The following STARD8 variants were observed in gnomAD, a reference collection of about 807,000 sequenced individuals.
STARD8 encodes the protein stAR-related lipid transfer protein 8.
A neutral mutation model predicts 69.4 loss-of-function variants in STARD8; 25 were observed. The observed-to-expected ratio is 0.36, with a 90% CI of 0.26 to 0.50. The LOEUF is 0.50. Among genes scored for constraint, STARD8 ranks in the 20% least tolerant of loss-of-function variants. STARD8 has a pLI of 0.96. For missense variants in STARD8, 921 were observed against 932.5 expected (o/e 0.99, Z 0.16); for synonymous variants, 389 against 374.6 (o/e 1.04, Z -0.45).
At chrX:68,694,077 G>A (rs2079900186) in intron 2 of STARD8, among the ~76,000 whole-genome samples, 1 of 113,232 alleles carries the variant, frequency 8.8e-6, no homozygotes, top group Admixed American at 9.2e-5. Flanking sequence ...AGCCTCGCGA[G>A]TGGGGCGGTG....
chrX:68,680,584 A>G (rs1422056472), intron 2 of STARD8, among the ~76,000 whole-genome samples: 2 of 112,468 alleles, frequency 1.8e-5, no homozygotes, highest in East Asian at 2.8e-4. Flanking sequence ...GCCAGTTTGC[A>G]TGAATGGACA....
intron 2 of STARD8, among the ~76,000 whole-genome samples, chrX:68,678,269 A>G (rs1046383931): frequency 1.7e-4 from 19 of 111,436 alleles, no homozygotes; most frequent in Non-Finnish European, 3.4e-4. Flanking sequence ...AATAGAAGAA[A>G]TATGAGGGTT....
intron 2 of STARD8, among the ~76,000 whole-genome samples, chrX:68,705,160 G>A (rs2079996048): frequency 8.9e-6 from 1 of 112,591 alleles, no homozygotes; most frequent in African/African-American, 3.2e-5. Context: ...CCCCTTGGGG[G>A]CAAGAAAACT....
intron 7 of STARD8, 140 bp downstream of exon 7, chrX:68,719,538 G>A: frequency 2.9e-6 from 2 of 698,037 alleles, no homozygotes; most frequent in Non-Finnish European, 3.9e-6. Context: ...GGAGGCTGGA[G>A]GGGCTTGGTG....
intron 5 of STARD8, 25 bp from the exon 6 acceptor site, chrX:68,717,187 C>A (rs1221189840): frequency 8.6e-7 from 1 of 1,162,864 alleles, no homozygotes. Flanking sequence ...GCTTCTCTGA[C>A]CTGATCCTGC....
intron 1 of STARD8, among the ~76,000 whole-genome samples, chrX:68,651,968 C>A (rs2079550362): frequency 9.3e-6 from 1 of 107,713 alleles, no homozygotes; most frequent in African/African-American, 3.4e-5. Flanking sequence ...CTGCCTCAGC[C>A]TCCCGAGTAG....
intron 2 of STARD8, among the ~76,000 whole-genome samples, chrX:68,674,744 C>T (rs751259846): frequency 1.8e-5 from 2 of 110,509 alleles, no homozygotes; most frequent in Admixed American, 9.6e-5. Context: ...GTTTTCATCA[C>T]GTCTCTAAGC....
At chrX:68,665,230 C>G (rs1475661236) in intron 1 of STARD8, among the ~76,000 whole-genome samples, 1 of 112,040 alleles carries the variant, frequency 8.9e-6, no homozygotes, top group Non-Finnish European at 1.9e-5. Flanking sequence ...ATCCCCTGAC[C>G]TGGGGGCCTT....
At chrX:68,653,330 ACC>A (rs2079583156) in intron 1 of STARD8, among the ~76,000 whole-genome samples, 1 of 19,193 alleles carries the variant, frequency 5.2e-5, no homozygotes, top group Non-Finnish European at 9.6e-5. Context: ...ACACACACAC[ACC>A]CCACACACCA....
intron 2 of STARD8, among the ~76,000 whole-genome samples, chrX:68,672,034 G>A (rs1030705816): frequency 2.7e-5 from 3 of 112,008 alleles, no homozygotes; most frequent in Non-Finnish European, 3.8e-5. Flanking sequence ...ATCATAGCTC[G>A]AATCTGGTGT....
chrX:68,725,732 G>C lies in STARD8; in HGVS notation c.*1310G>C, dbSNP rs1337459341. 9.2e-6 allele frequency: 1 copy of C among 108,919 alleles called. No individual in the cohort carries two copies. Among genetic ancestry groups the C allele is most frequent in the African/African-American group, 3.4e-5 (1 of 29,760 alleles). The allele number at this position is 108,919 out of a possible 1,213,427, so 9.0% of individuals were successfully genotyped here. On this transcript the variant is annotated 3_prime_UTR_variant, in exon 15 of 15. Transcript: ENST00000374599. ...TGAGTGTATTATAATCTCTGGTGGG[G>C]GCAAGTGTCTGGAAGGCCTGAGGGG...
chrX:68,714,346 C>A (rs2080075270), intron 3 of STARD8, among the ~76,000 whole-genome samples: 1 of 112,578 alleles, frequency 8.9e-6, no homozygotes, highest in Non-Finnish European at 1.9e-5. Flanking sequence ...TCACACCAAG[C>A]TCTTTCCCTC....
chrX:68,665,113 A>T (rs1416334175), intron 1 of STARD8, among the ~76,000 whole-genome samples: 1 of 112,183 alleles, frequency 8.9e-6, no homozygotes, highest in Admixed American at 9.4e-5. Flanking sequence ...AGCCTTGTTG[A>T]TGCTATACCA....
chrX:68,712,807 G>T, intron 2 of STARD8, 107 bp from the exon 3 acceptor site: 1 of 719,991 alleles, frequency 1.4e-6, no homozygotes, highest in South Asian at 2.7e-5. Flanking sequence ...TCACCAGAAT[G>T]AGACATGTCT....
At chrX:68,716,322 C>A (rs1406404122) in intron 4 of STARD8, 46 bp from the exon 5 acceptor site, 2 of 1,175,319 alleles carry the variant, frequency 1.7e-6, no homozygotes, top group Non-Finnish European at 2.3e-6. Flanking sequence ...CTCTGCCAGG[C>A]TTTGGGGATG....
At chrX:68,689,471 T>A (rs1260770179) in intron 2 of STARD8, among the ~76,000 whole-genome samples, 5 of 112,172 alleles carry the variant, frequency 4.5e-5, no homozygotes, top group Non-Finnish European at 9.4e-5. Context: ...GCTGGCACAT[T>A]GACTGGTGTT....
intron 2 of STARD8, among the ~76,000 whole-genome samples, chrX:68,678,225 C>A (rs2079779171): frequency 9.0e-6 from 1 of 111,267 alleles, no homozygotes; most frequent in African/African-American, 3.3e-5. Context: ...GAGAAACAGT[C>A]AGGACCAGCT....
chrX:68,722,485 G>C lies in STARD8; in HGVS notation c.2638G>C (p.Gly880Arg). 1 of 1,210,533 alleles carries C rather than the reference G, an allele frequency of 8.3e-7. No homozygotes were observed. The highest frequency in any genetic ancestry group is 1.1e-6 in the Non-Finnish European group (1 of 895,148). ...SYSAAELSPPGPALAELRQAQ... is the reference protein window; with the variant it reads ...SYSAAELSPPRPALAELRQAQ... The stretch of plus-strand genomic sequence containing the variant: ...CAGCGCAGCTGAGCTCAGCCCTCCC[G>C]GCCCAGCCCTGGCTGAGCTGCGTCA... The change falls in exon 12 of 15, where the codon GGC becomes CGC. Residue 880 changes from glycine to arginine, a missense_variant. Transcript: ENST00000374599.
chrX:68,653,713 A>ACACAC (rs764548454), intron 1 of STARD8, among the ~76,000 whole-genome samples: 15 of 92,592 alleles, frequency 1.6e-4, no homozygotes, highest in Non-Finnish European at 2.6e-4. Flanking sequence ...CATACACCAC[A>ACACAC]CACACCACAC....
Sources: allele counts gnomAD v4.1 joint callset (sites outside exome capture counted in the v4.1 genomes callset), GRCh38; gene constraint gnomAD v4.1.1; transcripts MANE v1.5; gene names NCBI Gene and HGNC (gene_info 2026-07-23, HGNC 2026-07-21).